PARPBP: variants seen among roughly 807,000 people sequenced by gnomAD.
PARPBP encodes the protein PCNA-interacting partner.
A neutral mutation model predicts 50.0 loss-of-function variants in PARPBP; 52 were observed. That is an observed-to-expected ratio of 1.04 (90% CI 0.83 to 1.31). PARPBP has a LOEUF of 1.31. PARPBP is among the 50% of genes most tolerant of loss of function. The pLI, the probability that PARPBP is intolerant of heterozygous loss-of-function variation, is 0.00. For missense variants in PARPBP, 697 were observed against 672.0 expected (o/e 1.04, Z -0.41); for synonymous variants, 244 against 232.1 (o/e 1.05, Z -0.47).
chr12:102,173,593 A>AT (rs897795415), intron 6 of PARPBP, among the ~76,000 whole-genome samples: 20 of 151,872 alleles, frequency 1.3e-4, no homozygotes, highest in South Asian at 4.2e-4. Context: ...AAATAGAAGG[A>AT]TTTTTTTTTA....
At position 102,178,679 on chromosome 12, in the gene PARPBP, G is replaced by C; in HGVS notation, c.1093G>C (p.Ala365Pro). ...ATTAGTTCTTTTGGACGAAGAAGCA[G>C]CTAATGCTCCTACCAAAAACAAAGC... Reference protein sequence around the residue: ...ALLVLLDEEAANAPTKNKAEL... With the variant: ...ALLVLLDEEAPNAPTKNKAEL... The change falls in exon 8 of 11, where the codon GCT (alanine) becomes CCT (proline). Residue 365 changes from alanine to proline, a missense_variant. Physicochemically the swap from Ala to Pro is conservative, Grantham distance 27. Transcript: ENST00000327680. 1 of 1,613,518 alleles carries C rather than the reference G, an allele frequency of 6.2e-7. No homozygotes were observed. Among genetic ancestry groups the C allele is most frequent in the Non-Finnish European group, 8.5e-7 (1 of 1,179,550 alleles).
At chr12:102,177,820 A>T (rs748135479) in intron 7 of PARPBP, among the ~76,000 whole-genome samples, 1 of 152,184 alleles carries the variant, frequency 6.6e-6, no homozygotes, top group Non-Finnish European at 1.5e-5. Flanking sequence ...TCCCAGGCTC[A>T]TCTCATACCA....
intron 2 of PARPBP, among the ~76,000 whole-genome samples, chr12:102,128,935 C>G (rs1025854989): frequency 6.6e-6 from 1 of 152,156 alleles, no homozygotes; most frequent in African/African-American, 2.4e-5. Flanking sequence ...CAACAGTATA[C>G]AAAGGATTCC....
chr12:102,196,240 G>A lies in PARPBP; in HGVS notation c.1689G>A (p.Lys563=), dbSNP rs1164476731. ...CAAAAAGTAATAAATGTACTGCCAA[G>A]GACAAGTTGATTTCTGGCCAGGCAA... ...KVAKSNKCTA[K]DKLISGQAKL... Residue 563 remains lysine, a synonymous_variant, in exon 11 of 11, where the codon AAG becomes AAA. Transcript: ENST00000327680. 6.2e-7 allele frequency: 1 copy of A among 1,602,664 alleles called. No individual in the cohort carries two copies. Among genetic ancestry groups the A allele is most frequent in the Non-Finnish European group, 8.5e-7 (1 of 1,176,160 alleles).
chr12:102,136,029 AT>A (rs75225108), intron 2 of PARPBP, among the ~76,000 whole-genome samples: 4,269 of 150,920 alleles, frequency 0.028, 325 homozygotes, highest in East Asian at 0.26. Context: ...TTTCCACATC[AT>A]TTTTTTTTGA....
chr12:102,179,965 T>G (rs1234261083), intron 8 of PARPBP, among the ~76,000 whole-genome samples: 2 of 152,196 alleles, frequency 1.3e-5, no homozygotes, highest in Non-Finnish European at 2.9e-5. Context: ...GGCTTCATGA[T>G]TGCTTCACAT....
chr12:102,173,996 A>T (rs1287635880), intron 6 of PARPBP, among the ~76,000 whole-genome samples: 2 of 150,308 alleles, frequency 1.3e-5, no homozygotes, highest in African/African-American at 4.9e-5. Flanking sequence ...AATATATATC[A>T]TTTGTCTTAC....
At chr12:102,194,668 CT>C (rs1891097064) in intron 9 of PARPBP, among the ~76,000 whole-genome samples, 2 of 151,854 alleles carry the variant, frequency 1.3e-5, no homozygotes, top group Admixed American at 1.3e-4. Flanking sequence ...CAAGAGTATA[CT>C]TTGGATTTCT....
At position 102,187,061 on chromosome 12, in the gene PARPBP, G is replaced by T. The variant is rs1004587541; in HGVS notation, c.1263+4434G>T. Among the ~76,000 whole-genome samples the T allele has an allele frequency of 3.2e-4, 49 of 152,028 alleles. 1 individual carries two copies. The highest frequency in any genetic ancestry group is 8.8e-5 in the Non-Finnish European group (6 of 67,932). On this transcript the variant is annotated intron_variant, in intron 9 of 10. Transcript: ENST00000327680. ...CATCTAAATTAAAATAGTGGATTGA[G>T]TTTAACTAATAGAATTTTCTTCCCC...
Position 102,123,950 on chromosome 12 carries a change from G to T in PARPBP, c.62G>T (p.Arg21Leu). The T allele has an allele frequency of 6.5e-7, 1 of 1,534,370 alleles. No homozygotes were observed. The highest frequency in any genetic ancestry group is 8.7e-7 in the Non-Finnish European group (1 of 1,145,416). ...ATTAAAGAGTTTCGAAAAAATTGGC[G>T]TGCTCTTTGTAACTCTGAGAGAACT... ...DMIKEFRKNWRALCNSERTTL... is the reference protein window; with the variant it reads ...DMIKEFRKNWLALCNSERTTL... The change falls in exon 2 of 11, where the codon CGT becomes CTT. Residue 21 changes from arginine to leucine, a missense_variant. Arg to Leu is a moderately radical substitution (Grantham distance 102, BLOSUM62 -2). Transcript: ENST00000327680.
chr12:102,162,366 CGA>C lies in PARPBP; in HGVS notation c.496-2070_496-2069del, dbSNP rs1326275664. Among the ~76,000 whole-genome samples, 6 of 152,088 alleles carry C rather than the reference CGA, an allele frequency of 3.9e-5. No homozygotes were observed. In the East Asian group the frequency reaches 1.2e-3, roughly 29 times the overall value. The stretch of plus-strand genomic sequence containing the variant: ...AATTTCATGTGTTTTGAGTGGGAAT[CGA>C]GTTTAGAATTCGTGAGTCTGTTATC... On this transcript the variant is annotated intron_variant, in intron 4 of 10. Transcript: ENST00000327680.
At chr12:102,141,545 T>C (rs945072693) in intron 2 of PARPBP, among the ~76,000 whole-genome samples, 2 of 152,210 alleles carry the variant, frequency 1.3e-5, no homozygotes, top group African/African-American at 4.8e-5. Context: ...TAGCGGGTTA[T>C]TTTGCTCGTT....
Position 102,148,480 on chromosome 12 carries a change from C to G in PARPBP, c.387+17C>G, listed in dbSNP as rs767664122. ...GTATCTCCTGTAAGTATTTTTTAAA[C>G]AATTCTATTTTAATCAAATTAAAAT... On this transcript the variant is annotated intron_variant, in intron 3 of 10. Transcript: ENST00000327680. 2 of 986,246 alleles carry G rather than the reference C, an allele frequency of 2.0e-6. No individual in the cohort carries two copies. The highest frequency in any genetic ancestry group is 3.1e-6 in the Non-Finnish European group (2 of 649,030). The allele number at this position is 986,246 out of a possible 1,614,324, so 61.1% of individuals were successfully genotyped here.
At chr12:102,185,508 A>T (rs1361149733) in intron 9 of PARPBP, among the ~76,000 whole-genome samples, 1 of 152,062 alleles carries the variant, frequency 6.6e-6, no homozygotes, top group Non-Finnish European at 1.5e-5. Context: ...TGGTTTTGGT[A>T]TTGGTAATAC....
At chr12:102,123,706 G>A (rs541144862) in intron 1 of PARPBP, among the ~76,000 whole-genome samples, 180 bp from the exon 2 acceptor site, 1 of 152,246 alleles carries the variant, frequency 6.6e-6, no homozygotes, top group East Asian at 1.9e-4. Flanking sequence ...AGGGAAATAT[G>A]ATTGCGCAGA....
intron 10 of PARPBP, among the ~76,000 whole-genome samples, chr12:102,195,749 G>T (rs1891247630): frequency 6.6e-6 from 1 of 151,652 alleles, no homozygotes; most frequent in Non-Finnish European, 1.5e-5. Flanking sequence ...ACTGGCCAAA[G>T]CTAACTCAGA....
Position 102,197,491 on chromosome 12 carries a change from G to T in PARPBP, c.*1200G>T, listed in dbSNP as rs200627654. The T allele has an allele frequency of 1.5e-3, 2,401 of 1,555,128 alleles. 4 individuals carry two copies. Among genetic ancestry groups the T allele is most frequent in the Non-Finnish European group, 1.9e-3 (2,149 of 1,152,576 alleles). On this transcript the variant is annotated 3_prime_UTR_variant, in exon 11 of 11. Coordinates refer to ENST00000327680, the MANE Select transcript of PARPBP (RefSeq NM_017915.5). ...TGTAAGAATCATTTAAATTTTCATTGAAATAAACGACAAGTCACATTGCCA... is the reference window on the plus strand; with the variant it reads ...TGTAAGAATCATTTAAATTTTCATTTAAATAAACGACAAGTCACATTGCCA...
chr12:102,122,766 C>T (rs1881356688), intron 1 of PARPBP, among the ~76,000 whole-genome samples: 1 of 152,200 alleles, frequency 6.6e-6, no homozygotes, highest in Non-Finnish European at 1.5e-5. Context: ...TGTCCACTTA[C>T]AAGCTGAGTG....
At position 102,195,322 on chromosome 12, in the gene PARPBP, C is replaced by G; in HGVS notation, c.1274C>G (p.Thr425Ser). 1 of 1,540,456 alleles carries G rather than the reference C, an allele frequency of 6.5e-7. No individual in the cohort carries two copies. Among genetic ancestry groups the G allele is most frequent in the East Asian group, 2.3e-5 (1 of 43,538 alleles). The change falls in exon 10 of 11, where the codon ACT (threonine) becomes AGT (serine). Residue 425 changes from threonine to serine, a missense_variant. Transcript: ENST00000327680. Reference protein sequence around the residue: ...MQEKKIKMKQTLIRSQFACTY... With the variant: ...MQEKKIKMKQSLIRSQFACTY... ...TCTTTCTGTTACTAGATGAAGCAAA[C>G]TTTAATTAGATCCCAATTTGCTTGT...
Sources: allele counts gnomAD v4.1 joint callset (sites outside exome capture counted in the v4.1 genomes callset), GRCh38; gene constraint gnomAD v4.1.1; transcripts MANE v1.5; gene names NCBI Gene and HGNC (gene_info 2026-07-23, HGNC 2026-07-21).